TSKS: variants seen among roughly 807,000 people sequenced by gnomAD.
TSKS encodes the protein testis-specific serine kinase substrate.
TSKS carries 27 observed loss-of-function variants against 68.0 expected under a neutral mutation model. The ratio of observed to expected loss-of-function variants is 0.40; its 90% CI spans 0.29 to 0.55. The LOEUF (loss-of-function observed/expected upper bound fraction) is 0.55. Ranked by LOEUF, TSKS falls within the 20% of genes least tolerant of loss-of-function variation. The probability of loss-of-function intolerance (pLI) is 0.53; values close to 1 mark genes in which losing one functional copy is unlikely to be tolerated. For synonymous variants in TSKS, 331 were observed against 340.4 expected (o/e 0.97, Z 0.30); for missense variants, 806 against 776.0 (o/e 1.04, Z -0.46).
intron 8 of TSKS, among the ~76,000 whole-genome samples, 173 bp downstream of exon 8, chr19:49,744,057 GT>G (rs1193085901): frequency 6.6e-6 from 1 of 152,196 alleles, no homozygotes; most frequent in Non-Finnish European, 1.5e-5. Context: ...ACCTTGTAGA[GT>G]GGGAACAAAT....
intron 2 of TSKS, among the ~76,000 whole-genome samples, chr19:49,753,189 G>A (rs139086310): frequency 8.1e-4 from 123 of 152,328 alleles, no homozygotes; most frequent in Non-Finnish European, 1.4e-3. Context: ...AATTTGGGAG[G>A]ATGAGGTGGG....
At position 49,763,254 on chromosome 19, in the gene TSKS, G is replaced by A. The variant is rs754950243; in HGVS notation, c.-7C>T. The A allele has an allele frequency of 6.7e-7, 1 of 1,487,660 alleles. No individual in the cohort carries two copies. The allele number at this position is 1,487,660 out of a possible 1,614,324, so 92.2% of individuals were successfully genotyped here. On this transcript the variant is annotated 5_prime_UTR_variant, in exon 1 of 11. Coordinates refer to ENST00000246801, the MANE Select transcript of TSKS (RefSeq NM_021733.2). The surrounding 1 kb of genome is among the most constrained non-coding windows in gnomAD (Gnocchi z 4.5). ...TCACCACCACGCTCGCCATGGTGTG[G>A]GGGTCTGGCTCCCAGGGAGGGGCTC...
chr19:49,741,796 C>A (rs566614488), intron 9 of TSKS, 89 bp downstream of exon 9: 32 of 1,577,964 alleles, frequency 2.0e-5, no homozygotes, highest in Non-Finnish European at 2.8e-5. Flanking sequence ...TTCTGCCACA[C>A]ACCAGCAGTA....
At chr19:49,739,987 G>A in intron 10 of TSKS, 55 bp from the exon 11 acceptor site, 1 of 1,609,766 alleles carries the variant, frequency 6.2e-7, no homozygotes, top group African/African-American at 1.3e-5. Context: ...TGGGGTGTTG[G>A]AGTGGAAGGG....
intron 2 of TSKS, among the ~76,000 whole-genome samples, chr19:49,752,709 A>C (rs2084361458): frequency 6.6e-6 from 1 of 152,260 alleles, no homozygotes; most frequent in Admixed American, 6.5e-5. Context: ...AACAATAAAA[A>C]GCAAAAAATC....
chr19:49,745,264 T>C lies in TSKS; in HGVS notation c.1125A>G (p.Glu375=). The change falls in exon 7 of 11, where the codon GAA becomes GAG. Residue 375 remains glutamate (E), a synonymous_variant. Coordinates refer to ENST00000246801, the MANE Select transcript of TSKS (RefSeq NM_021733.2). ...FLGQWERAQR[E]QAQTARDLQE... is the part of the protein sequence containing the mutation. ...GCAAGTCCCGCGCCGTCTGTGCCTGTTCGCGCTGTGCCCGCTCCCACTGGC... is the reference window on the plus strand; with the variant it reads ...GCAAGTCCCGCGCCGTCTGTGCCTGCTCGCGCTGTGCCCGCTCCCACTGGC... The C allele has an allele frequency of 1.2e-6, 2 of 1,608,190 alleles. No homozygotes were observed. Among genetic ancestry groups the C allele is most frequent in the Non-Finnish European group, 1.7e-6 (2 of 1,179,608 alleles).
chr19:49,762,855 C>G (rs1393555051), intron 1 of TSKS, among the ~76,000 whole-genome samples: 5 of 151,980 alleles, frequency 3.3e-5, no homozygotes, highest in Admixed American at 6.6e-5. Context: ...TTTCCTCTCT[C>G]CATCCATCCC....
At chr19:49,743,483 A>G (rs934733170) in intron 8 of TSKS, among the ~76,000 whole-genome samples, 3 of 149,330 alleles carry the variant, frequency 2.0e-5, no homozygotes, top group Non-Finnish European at 3.0e-5. Flanking sequence ...TCCCGGGTCC[A>G]AGTGAATTTC....
At chr19:49,744,142 C>A in intron 8 of TSKS, 89 bp downstream of exon 8, 1 of 1,408,686 alleles carries the variant, frequency 7.1e-7, no homozygotes, top group Non-Finnish European at 9.8e-7. Context: ...ATGAACAGCG[C>A]CCCACCCTTC....
chr19:49,745,230 G>T lies in TSKS; in HGVS notation c.1159C>A (p.Arg387=). The T allele has an allele frequency of 6.2e-7, 1 of 1,605,100 alleles. No individual in the cohort carries two copies. ...AQTARDLQEL[R]GRADELCTMV... is the part of the protein sequence containing the mutation. ...GTGCACAGCTCATCCGCCCGACCTC[G>T]CAGCTCCTGCAAGTCCCGCGCCGTC... The change falls in exon 7 of 11, where the codon CGA becomes AGA. Residue 387 remains arginine (R), a synonymous_variant. Transcript: ENST00000246801.
At chr19:49,741,127 G>T (rs1342535476) in intron 9 of TSKS, among the ~76,000 whole-genome samples, 2 of 147,338 alleles carry the variant, frequency 1.4e-5, no homozygotes, top group Non-Finnish European at 3.0e-5. Context: ...GCAGTGAGCC[G>T]AGATTGCGCC....
intron 2 of TSKS, among the ~76,000 whole-genome samples, chr19:49,761,049 G>A (rs764459333): frequency 6.6e-6 from 1 of 152,138 alleles, no homozygotes; most frequent in Non-Finnish European, 1.5e-5. Context: ...CCAAGATCAC[G>A]CCATTGCACT....
chr19:49,762,730 A>G (rs764828998), intron 1 of TSKS, among the ~76,000 whole-genome samples: 3 of 148,886 alleles, frequency 2.0e-5, no homozygotes, highest in Non-Finnish European at 4.5e-5. Flanking sequence ...CCCGACCACC[A>G]CTGTCTACTT....
chr19:49,762,154 T>C lies in TSKS; in HGVS notation c.249A>G (p.Ser83=), dbSNP rs2084447554. The change falls in exon 2 of 11, where the codon TCA becomes TCG. Residue 83 remains serine (S), a synonymous_variant. Transcript: ENST00000246801. ...GCTCCATGGCGGCCAGGTTGAGCAG[T>C]GACACGTTGGTGCAGGCCGAGGACC... is the stretch of plus-strand genomic sequence containing the variant. ...LKRSSACTNV[S]LLNLAAMEPT... 1 of 1,614,098 alleles carries C rather than the reference T, an allele frequency of 6.2e-7. No individual in the cohort carries two copies. The highest frequency in any genetic ancestry group is 1.1e-5 in the South Asian group (1 of 91,082).
At position 49,745,234 on chromosome 19, in the gene TSKS, C is replaced by G. The variant is rs545497187; in HGVS notation, c.1155G>C (p.Glu385Asp). 6.2e-7 allele frequency: 1 copy of G among 1,606,436 alleles called. No individual in the cohort carries two copies. Among genetic ancestry groups the G allele is most frequent in the African/African-American group, 1.3e-5 (1 of 74,976 alleles). ...ACAGCTCATCCGCCCGACCTCGCAG[C>G]TCCTGCAAGTCCCGCGCCGTCTGTG... ...EQAQTARDLQELRGRADELCT... is the reference protein window; with the variant it reads ...EQAQTARDLQDLRGRADELCT... Residue 385 changes from glutamate (E) to aspartate (D), a missense_variant, in exon 7 of 11, where the codon GAG (glutamate) becomes GAC (aspartate). Transcript: ENST00000246801.
At chr19:49,747,253 C>G in intron 5 of TSKS, 136 bp downstream of exon 5, 6 of 1,564,710 alleles carry the variant, frequency 3.8e-6, no homozygotes, top group South Asian at 1.2e-5. Flanking sequence ...TCAGCGAGTT[C>G]TAAGGATGAC....
At position 49,739,794 on chromosome 19, in the gene TSKS, GC is replaced by G; in HGVS notation, c.1760del (p.Gly587AlafsTer?). ...SSAGTPPKQG[G>X]SAPEQ ...AGGCCATTTATTGTTCAGGGGCTGA[GC>G]CCCCCTGTTTTGGGGGGGTTCCTGC... On this transcript the variant is annotated frameshift_variant, in exon 11 of 11. Transcript: ENST00000246801. LOFTEE classifies it high-confidence loss of function. 1.3e-6 allele frequency: 2 copies of G among 1,486,986 alleles called. No homozygotes were observed. The highest frequency in any genetic ancestry group is 9.4e-7 in the Non-Finnish European group (1 of 1,068,130). 92.1% of individuals were successfully genotyped at this position (1,486,986 alleles called of 1,614,324 possible).
chr19:49,753,470 G>C (rs917537863), intron 2 of TSKS, among the ~76,000 whole-genome samples: 1 of 151,786 alleles, frequency 6.6e-6, no homozygotes. Context: ...GCTGAGGCAG[G>C]AGAATGGTGT....
intron 9 of TSKS, among the ~76,000 whole-genome samples, chr19:49,741,543 G>A (rs937583120): frequency 3.9e-5 from 6 of 152,054 alleles, no homozygotes; most frequent in Non-Finnish European, 1.5e-5. Context: ...ACAATGCACC[G>A]CCTCTCTAAA....
Sources: gnomAD v4.1 joint callset for allele counts (sites outside exome capture counted in the v4.1 genomes callset) on GRCh38, gnomAD v4.1.1 for gene constraint, Gnocchi (gnomAD v3.1) non-coding constraint, MANE v1.5 for transcripts, NCBI Gene and HGNC (gene_info 2026-07-23, HGNC 2026-07-21) for gene names.